CCAR2: variants seen among roughly 807,000 people sequenced by gnomAD.
The protein encoded by CCAR2 is cell cycle and apoptosis regulator protein 2.
Under a neutral mutation model 108.1 loss-of-function variants are expected in CCAR2, and 21 were observed. That is an observed-to-expected ratio of 0.19 (90% CI 0.14 to 0.28). The LOEUF (loss-of-function observed/expected upper bound fraction) is 0.28. CCAR2 is among the 10% of genes least tolerant of loss of function. The pLI is 1.00. For synonymous variants in CCAR2, 577 were observed against 472.8 expected (o/e 1.22, Z -2.86); for missense variants, 1,126 against 1,177.0 (o/e 0.96, Z 0.63).
rs1801103209 is a variant in CCAR2 at position 22,607,012 on chromosome 8, G to T, written c.345G>T (p.Thr115=). 6.2e-7 allele frequency: 1 copy of T among 1,613,960 alleles called. No individual in the cohort carries two copies. The highest frequency in any genetic ancestry group is 1.3e-5 in the African/African-American group (1 of 74,928). ...AVPWNAVKVQ[T]LSNQPLLKSP... is the part of the protein sequence containing the mutation. Reference sequence around the variant, plus strand: ...CCTGGAATGCTGTCAAGGTGCAAACGCTCTCCAACCAGGTATTCATATCTC... The same window carrying T: ...CCTGGAATGCTGTCAAGGTGCAAACTCTCTCCAACCAGGTATTCATATCTC... The change falls in exon 5 of 21, where the codon ACG becomes ACT. Residue 115 remains threonine, a synonymous_variant. Transcript: ENST00000308511.
chr8:22,610,353 G>A (rs554119813), intron 7 of CCAR2, among the ~76,000 whole-genome samples: 2 of 152,266 alleles, frequency 1.3e-5, no homozygotes, highest in Admixed American at 1.3e-4. Context: ...TGTCTCCATT[G>A]AGCTGCTACT....
Position 22,619,289 on chromosome 8 carries a change from G to A in CCAR2, c.2661G>A (p.Arg887=). 1 of 1,564,578 alleles carries A rather than the reference G, an allele frequency of 6.4e-7. No individual in the cohort carries two copies. The highest frequency in any genetic ancestry group is 8.7e-7 in the Non-Finnish European group (1 of 1,155,248). ...AGCGACAGAAGAGCCAGCTCCAGCGGCTGCTGCAGGAGCTCCGCAGGCGTC... is the reference window on the plus strand; with the variant it reads ...AGCGACAGAAGAGCCAGCTCCAGCGACTGCTGCAGGAGCTCCGCAGGCGTC... ...TAERQKSQLQ[R]LLQELRRRLT... Residue 887 remains arginine, a synonymous_variant, in exon 20 of 21, where the codon CGG becomes CGA. Transcript: ENST00000308511.
rs1470936448 is a variant in CCAR2 at position 22,619,926 on chromosome 8, T to G, written c.*244T>G. 3.6e-6 allele frequency: 2 copies of G among 553,990 alleles called. No homozygotes were observed. Among genetic ancestry groups the G allele is most frequent in the Non-Finnish European group, 6.5e-6 (2 of 308,212 alleles). The allele number at this position is 553,990 out of a possible 1,614,324, so 34.3% of individuals were successfully genotyped here. A position where few individuals can be genotyped will look rare whatever the true frequency, so the allele number is the denominator to read the frequency against. ...TACAACATCTTTTGCACCCCTAGAATGTCATTTTGCCCTCAACCTTGGTAT... is the reference window on the plus strand; with the variant it reads ...TACAACATCTTTTGCACCCCTAGAAGGTCATTTTGCCCTCAACCTTGGTAT... On this transcript the variant is annotated 3_prime_UTR_variant, in exon 21 of 21. Coordinates refer to ENST00000308511, the MANE Select transcript of CCAR2 (RefSeq NM_001393997.1).
rs1377543745 is a variant in CCAR2, at chr8:22,616,086, G to C, written c.1683G>C (p.Leu561=). 6.2e-7 allele frequency: 1 copy of C among 1,613,892 alleles called. No individual in the cohort carries two copies. The change falls in exon 14 of 21, where the codon CTG becomes CTC. Residue 561 remains leucine, a synonymous_variant. Coordinates refer to ENST00000308511, the MANE Select transcript of CCAR2 (RefSeq NM_001393997.1). ...GCTATAGAGTTTATAAGATGCTACT[G>C]AGCCTTCCTGAAAAGGTCGTGTCCC... ...DFGYRVYKML[L]SLPEKVVSPP... is the part of the protein sequence containing the mutation.
intron 7 of CCAR2, 39 bp downstream of exon 7, chr8:22,608,104 C>T (rs996461902): frequency 2.1e-6 from 3 of 1,416,012 alleles, no homozygotes; most frequent in Non-Finnish European, 9.9e-7. Flanking sequence ...CACTTGTTGA[C>T]ACTAACATTC....
At chr8:22,606,736 T>C (rs757624380) in intron 4 of CCAR2, 38 bp downstream of exon 4, 1 of 1,551,202 alleles carries the variant, frequency 6.4e-7, no homozygotes, top group African/African-American at 1.4e-5. Flanking sequence ...AAATGCTTAT[T>C]GGATTCAGTT....
chr8:22,619,325 G>A lies in CCAR2; in HGVS notation c.2697G>A (p.Leu899=). Residue 899 remains leucine, a synonymous_variant, in exon 20 of 21, where the codon CTG becomes CTA. Transcript: ENST00000308511. ...LQELRRRLTP[L]QLEIQRVVEK... ...AGCTCCGCAGGCGTCTGACCCCCCT[G>A]CAGCTGGAGATCCAGCGGGTGGTGG... is the stretch of plus-strand genomic sequence containing the variant. 1.9e-6 allele frequency: 3 copies of A among 1,563,516 alleles called. No homozygotes were observed. The highest frequency in any genetic ancestry group is 2.6e-6 in the Non-Finnish European group (3 of 1,154,648).
intron 4 of CCAR2, 100 bp from the exon 5 acceptor site, chr8:22,606,810 G>A: frequency 1.3e-6 from 2 of 1,486,662 alleles, no homozygotes; most frequent in Non-Finnish European, 1.9e-6. Flanking sequence ...TTTTGTGCAA[G>A]GTGTGGGAAA....
rs1028638252 is a variant in CCAR2, at chr8:22,617,445, C to T, written c.1871C>T (p.Pro624Leu). ...AAGGAGGATGGGCTTTTGCCCAAAC[C>T]ACTCTCTTCTGGGGGAGAGGAAGAA... ...PLKEDGLLPKPLSSGGEEEEK... is the reference protein window; with the variant it reads ...PLKEDGLLPKLLSSGGEEEEK... Residue 624 changes from proline to leucine, a missense_variant, in exon 15 of 21, where the codon CCA becomes CTA. Around this residue, in one of 4 missense-constraint regions of CCAR2, gnomAD observed 1,013 missense variants for 993.9 expected, o/e 1.02. Transcript: ENST00000308511. 1.3e-6 allele frequency: 2 copies of T among 1,569,864 alleles called. No individual in the cohort carries two copies. The highest frequency in any genetic ancestry group is 2.0e-5 in the Admixed American group (1 of 50,178).
chr8:22,606,493 C>G, intron 3 of CCAR2, 114 bp from the exon 4 acceptor site: 1 of 816,568 alleles, frequency 1.2e-6, no homozygotes, highest in Admixed American at 2.0e-5. Context: ...TCTGTGCGAA[C>G]TCTTGATGCA....
In CCAR2 at chr8:22,614,519, C is replaced by G; in HGVS notation, c.1041+16C>G. ...GCAGATTAAGGTAAGAGCTGGAGAGCAGGAGGAGATGCATTCACGGGTAAT... is the reference window on the plus strand; with the variant it reads ...GCAGATTAAGGTAAGAGCTGGAGAGGAGGAGGAGATGCATTCACGGGTAAT... On this transcript the variant is annotated intron_variant, in intron 10 of 20. Transcript: ENST00000308511. 1 of 1,603,436 alleles carries G rather than the reference C, an allele frequency of 6.2e-7. No homozygotes were observed. Among genetic ancestry groups the G allele is most frequent in the Non-Finnish European group, 8.5e-7 (1 of 1,171,032 alleles).
intron 8 of CCAR2, among the ~76,000 whole-genome samples, 162 bp downstream of exon 8, chr8:22,613,298 C>G (rs1801365349): frequency 6.6e-6 from 1 of 151,038 alleles, no homozygotes; most frequent in African/African-American, 2.4e-5. Flanking sequence ...GGTGGTTTGC[C>G]TTTTCACTGA....
Position 22,605,761 on chromosome 8 carries a change from G to A in CCAR2, c.-13G>A. ...CCTTTTCCCCACGACTCTGAAAGAGGACAGCGTTCCCAATGTCCCAGTTTA... is the reference window on the plus strand; with the variant it reads ...CCTTTTCCCCACGACTCTGAAAGAGAACAGCGTTCCCAATGTCCCAGTTTA... On this transcript the variant is annotated 5_prime_UTR_variant, in exon 2 of 21. Transcript: ENST00000308511. 6.2e-7 allele frequency: 1 copy of A among 1,613,214 alleles called. No individual in the cohort carries two copies. Among genetic ancestry groups the A allele is most frequent in the South Asian group, 1.1e-5 (1 of 91,032 alleles).
At chr8:22,619,125 C>A (rs200810603) in intron 19 of CCAR2, 25 bp from the exon 20 acceptor site, 1 of 1,603,514 alleles carries the variant, frequency 6.2e-7, no homozygotes, top group Non-Finnish European at 8.5e-7. Flanking sequence ...GAGCAGCCGT[C>A]CCCGTTTCCT....
intron 7 of CCAR2, among the ~76,000 whole-genome samples, chr8:22,610,225 C>G (rs955951229): frequency 5.3e-5 from 8 of 152,114 alleles, no homozygotes; most frequent in African/African-American, 1.9e-4. Flanking sequence ...GGGGCAGCAA[C>G]TTTTATTTAT....
At chr8:22,607,093 G>A (rs1801106683) in intron 5 of CCAR2, 69 bp downstream of exon 5, 1 of 1,608,830 alleles carries the variant, frequency 6.2e-7, no homozygotes, top group South Asian at 1.1e-5. Flanking sequence ...CTGACAGCTG[G>A]GCAAAACCCT....
At chr8:22,607,876 C>T in intron 6 of CCAR2, 93 bp from the exon 7 acceptor site, 2 of 979,032 alleles carry the variant, frequency 2.0e-6, no homozygotes, top group Non-Finnish European at 3.2e-6. Flanking sequence ...TCCATCTGCA[C>T]TGTCCTCTCA....
chr8:22,615,210 T>C, intron 11 of CCAR2: 1 of 864,244 alleles, frequency 1.2e-6, no homozygotes, highest in Non-Finnish European at 1.7e-6. Flanking sequence ...GGAGTTGTCC[T>C]TGCACCTTGT....
rs771072971 is a variant in CCAR2, at chr8:22,614,937, G to A, written c.1141G>A (p.Val381Met). 1.2e-6 allele frequency: 2 copies of A among 1,612,314 alleles called. No homozygotes were observed. The highest frequency in any genetic ancestry group is 3.3e-5 in the Admixed American group (2 of 59,762). ...LDPQADPQVL[V>M]RTAIRCAQAQ... ...CCCCCAGGCTGACCCGCAGGTGCTGGTGCGTACCGCCATCCGCTGTGCGCA... is the reference window on the plus strand; with the variant it reads ...CCCCCAGGCTGACCCGCAGGTGCTGATGCGTACCGCCATCCGCTGTGCGCA... The change falls in exon 11 of 21, where the codon GTG (valine) becomes ATG (methionine). Residue 381 changes from valine (V) to methionine (M), a missense_variant. By Grantham distance (21) the Val-to-Met change is conservative. Transcript: ENST00000308511.
Sources: gnomAD v4.1 joint callset for allele counts (sites outside exome capture counted in the v4.1 genomes callset) on GRCh38, gnomAD v4.1.1 for gene constraint, gnomAD v4.1.1 regional missense constraint, MANE v1.5 for transcripts, NCBI Gene and HGNC (gene_info 2026-07-23, HGNC 2026-07-21) for gene names.